Variants in PGC observed in about 807,000 individuals in gnomAD.
PGC encodes the protein progastricsin.
Under a neutral mutation model 45.9 loss-of-function variants are expected in PGC, and 31 were observed. That is an observed-to-expected ratio of 0.67 (90% CI 0.51 to 0.91). The LOEUF is 0.91. Ranked by LOEUF, PGC falls within the 40% of genes least tolerant of loss-of-function variation. The pLI is 0.00. For missense variants in PGC, 477 were observed against 493.2 expected (o/e 0.97, Z 0.31); for synonymous variants, 192 against 201.8 (o/e 0.95, Z 0.41).
intron 6 of PGC, 25 bp from the exon 7 acceptor site, chr6:41,739,971 C>T: frequency 6.2e-7 from 1 of 1,609,386 alleles, no homozygotes; most frequent in Admixed American, 1.7e-5. Flanking sequence ...GACAGGCAGC[C>T]TCAGGACTCC....
rs1193186478 is a variant in PGC at position 41,738,147 on chromosome 6, TATATATATAC to T, written c.916-329_916-320del. Among the ~76,000 whole-genome samples, 91 of 56,798 alleles carry T rather than the reference TATATATATAC, an allele frequency of 1.6e-3. 4 individuals carry two copies. The highest frequency in any genetic ancestry group is 5.2e-3 in the African/African-American group (79 of 15,196). 37.3% of individuals were successfully genotyped at this position (56,798 alleles called of 152,430 possible). ...ACATATATATGCATATATATATGCA[TATATATATAC>T]ATATATATGCATATATATATACATA... is the stretch of plus-strand genomic sequence containing the variant. On this transcript the variant is annotated intron_variant, in intron 7 of 8. Coordinates refer to ENST00000373025, the MANE Select transcript of PGC (RefSeq NM_002630.4).
chr6:41,742,568 G>T lies in PGC; in HGVS notation c.448-79C>A, dbSNP rs978377878. On this transcript the variant is annotated intron_variant, in intron 4 of 8. Coordinates refer to ENST00000373025, the MANE Select transcript of PGC (RefSeq NM_002630.4). ...CCAGGTTCCCCTAGAGACTCCTCAA[G>T]CCTCTGTTCATCCCTTCCTCACCTC... 6 of 1,046,312 alleles carry T rather than the reference G, an allele frequency of 5.7e-6. No homozygotes were observed. In the African/African-American group the frequency reaches 7.8e-5, roughly 14 times the overall value. The allele number at this position is 1,046,312 out of a possible 1,614,324, so 64.8% of individuals were successfully genotyped here.
chr6:41,738,178 A>ACATATATATATG (rs1249914227), intron 7 of PGC, among the ~76,000 whole-genome samples: 1 of 27,574 alleles, frequency 3.6e-5, no homozygotes, highest in African/African-American at 1.8e-4. Flanking sequence ...ATATATATAT[A>ACATATATATATG]CATATATATA....
Position 41,743,278 on chromosome 6 carries a change from G to A in PGC, c.440C>T (p.Thr147Ile). The A allele has an allele frequency of 1.9e-6, 3 of 1,599,446 alleles. No homozygotes were observed. The highest frequency in any genetic ancestry group is 2.2e-5 in the South Asian group (2 of 90,776). Residue 147 changes from threonine to isoleucine, a missense_variant, in exon 4 of 9, where the codon ACC (threonine) becomes ATC (isoleucine). Transcript: ENST00000373025. The part of the protein sequence containing the change: ...GSLTGFFGYD[T>I]LTVQSIQVPN... ...CTCCCCATGCCCACTCACAGTCAGGGTGTCATAGCCAAAGAAGCCGGTGAG... is the reference window on the plus strand; with the variant it reads ...CTCCCCATGCCCACTCACAGTCAGGATGTCATAGCCAAAGAAGCCGGTGAG...
chr6:41,741,267 G>A, intron 5 of PGC: 6 of 1,431,978 alleles, frequency 4.2e-6, no homozygotes, highest in Non-Finnish European at 5.5e-6. Flanking sequence ...AGGTGGAGAG[G>A]AAGTTAGCAA....
intron 1 of PGC, among the ~76,000 whole-genome samples, chr6:41,745,136 T>A (rs1771908250): frequency 6.6e-6 from 1 of 152,114 alleles, no homozygotes; most frequent in East Asian, 1.9e-4. Flanking sequence ...CCTCACCTCA[T>A]CTCAAGGGTC....
intron 5 of PGC, chr6:41,741,081 G>A (rs1771814579): frequency 6.5e-7 from 1 of 1,537,064 alleles, no homozygotes; most frequent in African/African-American, 1.4e-5. Flanking sequence ...TGGTAGACAT[G>A]TCACCGGGAT....
rs1554138605 is a variant in PGC at position 41,738,157 on chromosome 6, C to CGTATATATATACAT, written c.916-330_916-329insATGTATATATATAC. On this transcript the variant is annotated intron_variant, in intron 7 of 8. Coordinates refer to ENST00000373025, the MANE Select transcript of PGC (RefSeq NM_002630.4). ...GCATATATATATGCATATATATATA[C>CGTATATATATACAT]ATATATATGCATATATATATACATA... Among the ~76,000 whole-genome samples, 162 of 27,794 alleles carry CGTATATATATACAT rather than the reference C, an allele frequency of 5.8e-3. 14 individuals carry two copies. Among genetic ancestry groups the CGTATATATATACAT allele is most frequent in the African/African-American group, 0.019 (153 of 8,224 alleles). 18.2% of individuals were successfully genotyped at this position (27,794 alleles called of 152,430 possible).
chr6:41,740,862 A>G (rs2127289515), intron 5 of PGC: 5 of 1,431,716 alleles, frequency 3.5e-6, no homozygotes, highest in Non-Finnish European at 4.6e-6. Flanking sequence ...TGTCTCCCTC[A>G]GACTGGGGCT....
rs1416499853 is a variant in PGC, at chr6:41,736,927, C to G, written c.1092G>C (p.Gly364=). 6.2e-7 allele frequency: 1 copy of G among 1,613,950 alleles called. No homozygotes were observed. Among genetic ancestry groups the G allele is most frequent in the South Asian group, 1.1e-5 (1 of 91,080 alleles). ...AATAGTAGGACCTGAGGAAGACATC[C>G]CCGAGGATCCACAGGGGCTGGCCGT... ...SQNGQPLWIL[G]DVFLRSYYSV... is the part of the protein sequence containing the mutation. Residue 364 remains glycine, a synonymous_variant, in exon 9 of 9, where the codon GGG becomes GGC. Coordinates refer to ENST00000373025, the MANE Select transcript of PGC (RefSeq NM_002630.4).
intron 7 of PGC, among the ~76,000 whole-genome samples, chr6:41,738,210 ATATG>A (rs1771744813): frequency 1.1e-4 from 2 of 18,214 alleles, no homozygotes; most frequent in African/African-American, 1.9e-4. Context: ...ATGCATATAT[ATATG>A]CATATATATA....
rs1287237856 is a variant in PGC, at chr6:41,744,625, A to G, written c.210+33T>C. 6.2e-7 allele frequency: 1 copy of G among 1,611,612 alleles called. No homozygotes were observed. Among genetic ancestry groups the G allele is most frequent in the Admixed American group, 1.7e-5 (1 of 59,964 alleles). On this transcript the variant is annotated intron_variant, in intron 2 of 8. Coordinates refer to ENST00000373025, the MANE Select transcript of PGC (RefSeq NM_002630.4). This position sits in a 1 kb window ranked among gnomAD's most constrained non-coding sequence, Gnocchi z 4.4. ...CCCTTCCCTCCAGCCCACACCAGAG[A>G]GAAGGCTACCGCCAGAAAGGGTCAG... is the stretch of plus-strand genomic sequence containing the variant.
At chr6:41,741,911 C>G in intron 5 of PGC, 1 of 1,277,044 alleles carries the variant, frequency 7.8e-7, no homozygotes, top group Non-Finnish European at 1.1e-6. Context: ...AGGTAGAAAA[C>G]ATTCGGTCAG....
chr6:41,747,250 C>T (rs753105009), intron 1 of PGC, 26 bp downstream of exon 1: 1 of 1,607,438 alleles, frequency 6.2e-7, no homozygotes, highest in East Asian at 2.2e-5. Context: ...AGGCTCCCTG[C>T]ACCAGCAGCC....
chr6:41,745,846 G>A (rs1010454809), intron 1 of PGC, among the ~76,000 whole-genome samples: 1 of 151,232 alleles, frequency 6.6e-6, no homozygotes, highest in African/African-American at 2.4e-5. Context: ...ACTGCGCCCA[G>A]CCCAGGAAAT....
At chr6:41,741,076 G>A in intron 5 of PGC, 1 of 1,537,190 alleles carries the variant, frequency 6.5e-7, no homozygotes, top group Non-Finnish European at 8.7e-7. Context: ...GCCTCTGGTA[G>A]ACATGTCACC....
Position 41,742,246 on chromosome 6 carries a change from G to A in PGC, c.647+44C>T, listed in dbSNP as rs760472573. On this transcript the variant is annotated intron_variant, in intron 5 of 8. Coordinates refer to ENST00000373025, the MANE Select transcript of PGC (RefSeq NM_002630.4). ...GAGCCTCAGTCGTCCAGGGCGGCCGGGGGAGCATCCCGGGAGGTGGGGACT... is the reference window on the plus strand; with the variant it reads ...GAGCCTCAGTCGTCCAGGGCGGCCGAGGGAGCATCCCGGGAGGTGGGGACT... 1.9e-6 allele frequency: 3 copies of A among 1,572,506 alleles called. No homozygotes were observed. In the East Asian group the frequency reaches 6.7e-5, roughly 35 times the overall value.
In PGC at chr6:41,736,859, G is replaced by T; in HGVS notation, c.1160C>A (p.Ala387Asp). 1 of 1,614,138 alleles carries T rather than the reference G, an allele frequency of 6.2e-7. No individual in the cohort carries two copies. Among genetic ancestry groups the T allele is most frequent in the Non-Finnish European group, 8.5e-7 (1 of 1,180,018 alleles). ...LGNNRVGFATAA is the reference protein window; with the variant it reads ...LGNNRVGFATDA ...CGTGTCGAGGCAGCAAGTCTAGGCG[G>T]CAGTGGCAAAGCCTACTCTGTTGTT... Residue 387 changes from alanine to aspartate, a missense_variant, in exon 9 of 9, where the codon GCC (alanine) becomes GAC (aspartate). Ala to Asp is a moderately radical substitution (Grantham distance 126). Transcript: ENST00000373025.
chr6:41,745,023 G>T (rs565546182), intron 1 of PGC, among the ~76,000 whole-genome samples: 1 of 151,480 alleles, frequency 6.6e-6, no homozygotes, highest in Admixed American at 6.6e-5. Context: ...GTGCGCGCGC[G>T]CGTGTTTCTT....
Sources: gnomAD v4.1 joint callset for allele counts (sites outside exome capture counted in the v4.1 genomes callset) on GRCh38, gnomAD v4.1.1 for gene constraint, Gnocchi (gnomAD v3.1) non-coding constraint, MANE v1.5 for transcripts, NCBI Gene and HGNC (gene_info 2026-07-23, HGNC 2026-07-21) for gene names.